Variants in DLGAP2 observed in about 807,000 individuals in gnomAD.
DLGAP2 encodes DLG associated protein 2.
In DLGAP2, 26 loss-of-function variants were observed where a neutral mutation model predicts 100.3. The observed-to-expected ratio is 0.26, with a 90% CI of 0.19 to 0.36. The LOEUF is 0.36. Ranked by LOEUF, DLGAP2 falls within the 10% of genes least tolerant of loss-of-function variation. The pLI, the probability that DLGAP2 is intolerant of heterozygous loss-of-function variation, is 1.00. For synonymous variants in DLGAP2, 886 were observed against 630.1 expected (o/e 1.41, Z -6.08); for missense variants, 1,858 against 1,453.2 (o/e 1.28, Z -4.53).
At position 782,570 on chromosome 8, in the gene DLGAP2, T is replaced by G. The variant is rs543475999; in HGVS notation, c.18+44745T>G. ...TAATTATTGACAAAATAGTAAGAAT[T>G]GAAAAGCAAATGGGGGTTAAATTAT... On this transcript the variant is annotated intron_variant, in intron 1 of 14. Transcript: ENST00000637795. 1.2e-3 allele frequency among the ~76,000 whole-genome samples: 188 copies of G among 152,316 alleles called. 2 individuals carry two copies. The highest frequency in any genetic ancestry group is 4.4e-3 in the African/African-American group (185 of 41,578).
chr8:1,252,669 G>A (rs1326674555), intron 2 of DLGAP2, among the ~76,000 whole-genome samples: 1 of 152,274 alleles, frequency 6.6e-6, no homozygotes, highest in Non-Finnish European at 1.5e-5. Context: ...TCTGTGCTGT[G>A]TGAGAGGTGC....
Position 1,549,254 on chromosome 8 carries a change from C to T in DLGAP2, c.801C>T (p.His267=). ...TKADGRADDH[H]HAHHAKHSKR... The stretch of plus-strand genomic sequence containing the variant: ...CGGACGGCCGGGCGGACGACCACCA[C>T]CACGCCCACCACGCCAAGCACAGCA... The change falls in exon 5 of 15, where the codon CAC becomes CAT. Residue 267 remains histidine, a synonymous_variant. Transcript: ENST00000637795. The T allele has an allele frequency of 6.2e-7, 1 of 1,609,958 alleles. No individual in the cohort carries two copies. Among genetic ancestry groups the T allele is most frequent in the Non-Finnish European group, 8.5e-7 (1 of 1,178,976 alleles).
chr8:895,384 C>A (rs1407960452), intron 1 of DLGAP2, among the ~76,000 whole-genome samples: 2 of 152,150 alleles, frequency 1.3e-5, no homozygotes, highest in Non-Finnish European at 2.9e-5. Context: ...TCTGCAGCAT[C>A]CCCCGTGCTG....
At chr8:1,299,408 C>T (rs529065486) in intron 3 of DLGAP2, among the ~76,000 whole-genome samples, 1 of 152,314 alleles carries the variant, frequency 6.6e-6, no homozygotes, top group East Asian at 1.9e-4. Context: ...ATGTGGATCT[C>T]ATCTAATGTT....
chr8:1,539,628 G>A (rs748218627), intron 4 of DLGAP2, among the ~76,000 whole-genome samples: 4 of 151,162 alleles, frequency 2.6e-5, no homozygotes, highest in Non-Finnish European at 5.9e-5. Context: ...CTGTTTGAAG[G>A]ATGCCCGCCC....
chr8:1,338,563 C>T (rs1018830962), intron 3 of DLGAP2, among the ~76,000 whole-genome samples: 6 of 152,308 alleles, frequency 3.9e-5, no homozygotes, highest in Non-Finnish European at 7.4e-5. Context: ...AGCGGTGATT[C>T]TTGCACACCT....
At chr8:877,006 T>TA (rs1021475546) in intron 1 of DLGAP2, among the ~76,000 whole-genome samples, 9 of 152,022 alleles carry the variant, frequency 5.9e-5, no homozygotes, top group Admixed American at 5.2e-4. Context: ...CAGGTTTTTT[T>TA]TTTTTTTATT....
chr8:1,287,566 G>T (rs138615306), intron 3 of DLGAP2, among the ~76,000 whole-genome samples: 4 of 131,190 alleles, frequency 3.0e-5, no homozygotes, highest in Non-Finnish European at 6.3e-5. Context: ...GTTCTGTTCG[G>T]AGGGGAACTA....
intron 2 of DLGAP2, among the ~76,000 whole-genome samples, chr8:1,110,189 G>T (rs1398056342): frequency 7.3e-6 from 1 of 137,542 alleles, no homozygotes; most frequent in East Asian, 2.3e-4. Flanking sequence ...GCATGGGTCT[G>T]TGACATGTGC....
At chr8:1,594,084 T>C (rs1796371805) in intron 6 of DLGAP2, among the ~76,000 whole-genome samples, 3 of 152,164 alleles carry the variant, frequency 2.0e-5, no homozygotes, top group Admixed American at 1.3e-4. Flanking sequence ...AGCTACCTTC[T>C]TCTCTCTGGG....
chr8:1,391,549 G>A (rs979931172), intron 3 of DLGAP2, among the ~76,000 whole-genome samples: 1 of 152,182 alleles, frequency 6.6e-6, no homozygotes, highest in East Asian at 1.9e-4. Flanking sequence ...TTTATCAGTT[G>A]GAGCGCTACC....
chr8:1,450,898 G>C (rs1465221740), intron 3 of DLGAP2, among the ~76,000 whole-genome samples: 1 of 152,132 alleles, frequency 6.6e-6, no homozygotes, highest in Non-Finnish European at 1.5e-5. Context: ...AGTCCTCTAT[G>C]AATTGCTTAG....
At chr8:1,217,143 T>C (rs981280238) in intron 2 of DLGAP2, among the ~76,000 whole-genome samples, 19 of 152,160 alleles carry the variant, frequency 1.2e-4, no homozygotes, top group African/African-American at 4.3e-4. Context: ...CCAGTATCTG[T>C]TGCTCCCCTC....
intron 5 of DLGAP2, among the ~76,000 whole-genome samples, chr8:1,552,517 C>G (rs1801804827): frequency 6.6e-6 from 1 of 152,200 alleles, no homozygotes; most frequent in South Asian, 2.1e-4. Context: ...TGACGTCTGG[C>G]ATTTTCAAAG....
Position 844,886 on chromosome 8 carries a change from T to C in DLGAP2, c.19-63026T>C, listed in dbSNP as rs147132651. Among the ~76,000 whole-genome samples the C allele has an allele frequency of 3.0e-3, 462 of 152,304 alleles. 3 individuals are homozygous for C. Among genetic ancestry groups the C allele is most frequent in the African/African-American group, 0.011 (437 of 41,568 alleles). On this transcript the variant is annotated intron_variant, in intron 1 of 14. Coordinates refer to ENST00000637795, the MANE Select transcript of DLGAP2 (RefSeq NM_001346810.2). ...CACCACAAATCCACTTCTGTCTCGG[T>C]TGATTACCATGCTCTGGACATTTCG...
chr8:931,136 C>T lies in DLGAP2; in HGVS notation c.73+23170C>T, dbSNP rs558848591. 2.6e-5 allele frequency among the ~76,000 whole-genome samples: 4 copies of T among 152,224 alleles called. No homozygotes were observed. In the East Asian group the frequency reaches 7.7e-4, roughly 29 times the overall value. On this transcript the variant is annotated intron_variant, in intron 2 of 14. Coordinates refer to ENST00000637795, the MANE Select transcript of DLGAP2 (RefSeq NM_001346810.2). Reference sequence around the variant, plus strand: ...AGGTAGGAGGTATGTGTGAGAAAGCCGTCAGCTGAAGTCCAGGCACTGAGG... The same window carrying T: ...AGGTAGGAGGTATGTGTGAGAAAGCTGTCAGCTGAAGTCCAGGCACTGAGG...
At chr8:1,210,010 G>A (rs540889021) in intron 2 of DLGAP2, among the ~76,000 whole-genome samples, 1 of 152,178 alleles carries the variant, frequency 6.6e-6, no homozygotes, top group Non-Finnish European at 1.5e-5. Context: ...AGGATTCAGT[G>A]TCAGTCATGG....
At chr8:1,164,647 C>G (rs756089402) in intron 2 of DLGAP2, among the ~76,000 whole-genome samples, 1 of 152,220 alleles carries the variant, frequency 6.6e-6, no homozygotes, top group Non-Finnish European at 1.5e-5. Flanking sequence ...CAGGGCCTGT[C>G]TCTAAGGCCC....
At chr8:770,711 G>T (rs993123082) in intron 1 of DLGAP2, among the ~76,000 whole-genome samples, 1 of 152,152 alleles carries the variant, frequency 6.6e-6, no homozygotes, top group Non-Finnish European at 1.5e-5. Context: ...GGCCGGCTGT[G>T]GAACAGGTTC....
Sources: allele counts gnomAD v4.1 joint callset (sites outside exome capture counted in the v4.1 genomes callset), GRCh38; gene constraint gnomAD v4.1.1; transcripts MANE v1.5; gene names NCBI Gene and HGNC (gene_info 2026-07-23, HGNC 2026-07-21).